Variants in CCDC3 observed in about 807,000 individuals in gnomAD.
CCDC3 encodes coiled-coil domain-containing protein 3.
CCDC3 carries 24 observed loss-of-function variants against 21.4 expected under a neutral mutation model. That is an observed-to-expected ratio of 1.12 (90% confidence interval 0.81 to 1.58). The LOEUF is 1.58. Among genes scored for constraint, CCDC3 ranks in the 40% most tolerant of loss-of-function variants. The pLI is 0.00. For missense variants in CCDC3, 425 were observed against 360.9 expected (o/e 1.18, Z -1.44); for synonymous variants, 186 against 166.0 (o/e 1.12, Z -0.93).
chr10:12,949,025 A>G (rs1184904426), intron 2 of CCDC3, among the ~76,000 whole-genome samples: 1 of 151,976 alleles, frequency 6.6e-6, no homozygotes, highest in Non-Finnish European at 1.5e-5. Context: ...ATATCTCATG[A>G]CATTATGGGG....
At chr10:13,001,131 G>C (rs916662136) in intron 1 of CCDC3, 66 bp downstream of exon 1, 33 of 1,509,594 alleles carry the variant, frequency 2.2e-5, no homozygotes, top group Non-Finnish European at 2.9e-5. Context: ...CCTGGCTCTA[G>C]GTAACGGCGA....
At chr10:12,912,118 T>C (rs537314565) in intron 2 of CCDC3, among the ~76,000 whole-genome samples, 2 of 152,328 alleles carry the variant, frequency 1.3e-5, no homozygotes, top group East Asian at 1.9e-4. Flanking sequence ...AGTGTAGATA[T>C]CTCTTCGACA....
intron 2 of CCDC3, among the ~76,000 whole-genome samples, chr10:12,951,804 C>CAAAA (rs71924811): frequency 0.44 from 26,615 of 59,902 alleles, 8,396 homozygotes; most frequent in East Asian, 0.52. Flanking sequence ...GACTTCATCT[C>CAAAA]AAAAAAAAAA....
At chr10:12,908,357 G>A (rs1054699523) in intron 2 of CCDC3, among the ~76,000 whole-genome samples, 1 of 152,078 alleles carries the variant, frequency 6.6e-6, no homozygotes, top group Non-Finnish European at 1.5e-5. Context: ...AGATCTCATC[G>A]GTCTCTGGTG....
At chr10:12,943,868 A>T (rs1198554025) in intron 2 of CCDC3, among the ~76,000 whole-genome samples, 1 of 152,110 alleles carries the variant, frequency 6.6e-6, no homozygotes, top group African/African-American at 2.4e-5. Context: ...CTCACTTGTT[A>T]TGTGTCCACA....
At chr10:12,902,210 T>A (rs146875381) in intron 2 of CCDC3, among the ~76,000 whole-genome samples, 1 of 152,226 alleles carries the variant, frequency 6.6e-6, no homozygotes, top group Admixed American at 6.5e-5. Flanking sequence ...CCAAGTGGAA[T>A]GTTCCAATAA....
At chr10:12,955,086 T>G (rs1835063121) in intron 2 of CCDC3, among the ~76,000 whole-genome samples, 1 of 152,212 alleles carries the variant, frequency 6.6e-6, no homozygotes, top group East Asian at 1.9e-4. Flanking sequence ...GTTTTTGTCA[T>G]GAATAATCAT....
intron 2 of CCDC3, among the ~76,000 whole-genome samples, chr10:12,956,418 C>T (rs1291233612): frequency 1.3e-5 from 2 of 152,184 alleles, no homozygotes; most frequent in African/African-American, 4.8e-5. Flanking sequence ...GCACAGAGAC[C>T]CAGCCATAAA....
At chr10:12,985,768 G>A (rs76951385) in intron 2 of CCDC3, among the ~76,000 whole-genome samples, 1 of 152,308 alleles carries the variant, frequency 6.6e-6, no homozygotes, top group East Asian at 1.9e-4. Flanking sequence ...TGAGGGGAAG[G>A]GTAGCTTAAA....
intron 2 of CCDC3, among the ~76,000 whole-genome samples, chr10:12,928,225 A>T (rs1007274389): frequency 2.6e-5 from 4 of 152,192 alleles, no homozygotes; most frequent in Admixed American, 2.0e-4. Context: ...ATTTCCCTCC[A>T]ACTCTTGTCC....
intron 2 of CCDC3, among the ~76,000 whole-genome samples, chr10:12,982,107 G>C (rs995438614): frequency 1.9e-5 from 2 of 104,360 alleles, no homozygotes; most frequent in Non-Finnish European, 3.4e-5. Flanking sequence ...GGGAGACAGA[G>C]AGAGACTCTG....
intron 5 of CCDC3, among the ~76,000 whole-genome samples, chr10:13,031,515 T>C (rs1484228719): frequency 6.6e-6 from 1 of 151,866 alleles, no homozygotes; most frequent in African/African-American, 2.4e-5. Context: ...CTGAAGGAGA[T>C]AGAGACACAA....
intron 2 of CCDC3, among the ~76,000 whole-genome samples, chr10:12,975,908 C>T (rs1835410670): frequency 6.6e-6 from 1 of 152,202 alleles, no homozygotes; most frequent in Non-Finnish European, 1.5e-5. Context: ...CAGGACACAG[C>T]CCAGCCAAGA....
intron 2 of CCDC3, among the ~76,000 whole-genome samples, chr10:12,951,059 A>G (rs966664074): frequency 5.3e-5 from 8 of 152,206 alleles, no homozygotes; most frequent in African/African-American, 1.7e-4. Flanking sequence ...GAGGCAATCA[A>G]TCAGAAAGTA....
At chr10:13,079,238 G>C (rs894525128) in intron 3 of CCDC3, among the ~76,000 whole-genome samples, 5 of 147,320 alleles carry the variant, frequency 3.4e-5, no homozygotes, top group African/African-American at 1.3e-4. Flanking sequence ...TCCCCTCCGG[G>C]GGTGGTCTCT....
At chr10:13,069,796 G>A (rs1321948122) in intron 4 of CCDC3, among the ~76,000 whole-genome samples, 2 of 152,086 alleles carry the variant, frequency 1.3e-5, no homozygotes, top group Admixed American at 1.3e-4. Flanking sequence ...TCATAATTAA[G>A]GTTATTAAGT....
intron 2 of CCDC3, among the ~76,000 whole-genome samples, chr10:12,906,660 G>C (rs1203318627): frequency 6.6e-6 from 1 of 152,166 alleles, no homozygotes; most frequent in East Asian, 1.9e-4. Context: ...GGACAGTGGG[G>C]TCTTGCTTAA....
intron 3 of CCDC3, among the ~76,000 whole-genome samples, chr10:13,087,583 C>T (rs138054808): frequency 2.0e-5 from 3 of 152,026 alleles, no homozygotes; most frequent in African/African-American, 7.2e-5. Context: ...CGGGTGAGAT[C>T]GAAGCACAGA....
chr10:12,903,206 A>T (rs940124521), intron 2 of CCDC3, among the ~76,000 whole-genome samples: 1 of 152,192 alleles, frequency 6.6e-6, no homozygotes. Context: ...TGTCATGTGA[A>T]TTGAGGCTAA....
Sources: allele counts gnomAD v4.1 joint callset (sites outside exome capture counted in the v4.1 genomes callset), GRCh38; gene constraint gnomAD v4.1.1; transcripts MANE v1.5; gene names NCBI Gene and HGNC (gene_info 2026-07-23, HGNC 2026-07-21).